DCAKD: variants seen among roughly 807,000 people sequenced by gnomAD.
The protein encoded by DCAKD is dephospho-CoA kinase domain containing.
DCAKD carries 15 observed loss-of-function variants against 18.7 expected under a neutral mutation model. The observed-to-expected ratio is 0.80, with a 90% confidence interval of 0.54 to 1.24. The LOEUF (loss-of-function observed/expected upper bound fraction) is 1.24, where lower values mean the gene tolerates loss of function less well. Among genes scored for constraint, DCAKD ranks in the 50% most tolerant of loss-of-function variants. The pLI is 0.00. For missense variants in DCAKD, 301 were observed against 322.0 expected, an observed-to-expected ratio of 0.93 and a Z score of 0.50; for synonymous variants, 130 against 133.0, an observed-to-expected ratio of 0.98 and a Z score of 0.16.
At position 45,034,377 on chromosome 17, in the gene DCAKD, T is replaced by C. The variant is rs1233532962; in HGVS notation, c.126A>G (p.Gly42=). The part of the protein sequence containing the change: ...DVMARHVVQP[G]YPAHRRIVEV... ...CTACGATGCGCCGGTGGGCAGGGTA[T>C]CCTGGCTGCACGACTGTGGCAGGAG... The change falls in exon 3 of 5, where the codon GGA becomes GGG. Residue 42 remains glycine (G), a synonymous_variant. Coordinates refer to ENST00000651974, the MANE Select transcript of DCAKD (RefSeq NM_001288655.2). The C allele has an allele frequency of 1.9e-6, 3 of 1,613,700 alleles. No individual in the cohort carries two copies. Among genetic ancestry groups the C allele is most frequent in the South Asian group, 1.1e-5 (1 of 91,086 alleles).
At chr17:45,031,480 C>G (rs1330835023) in intron 3 of DCAKD, 2 of 966,576 alleles carry the variant, frequency 2.1e-6, no homozygotes, top group South Asian at 9.6e-5. Flanking sequence ...TGAAATGAGC[C>G]TTGAAAATAT....
chr17:45,058,758 C>G (rs188884814), intron 1 of DCAKD, among the ~76,000 whole-genome samples: 86 of 152,134 alleles, frequency 5.7e-4, no homozygotes, highest in African/African-American at 1.3e-3. Flanking sequence ...CTGACCCCCC[C>G]CTTCCCTGCA....
At chr17:45,029,690 T>C (rs2053135073) in intron 4 of DCAKD, among the ~76,000 whole-genome samples, 1 of 152,096 alleles carries the variant, frequency 6.6e-6, no homozygotes, top group African/African-American at 2.4e-5. Context: ...CCCTCTTTAA[T>C]TTTATCTTCA....
chr17:45,032,344 C>T (rs1280991321), intron 3 of DCAKD, among the ~76,000 whole-genome samples: 3 of 148,372 alleles, frequency 2.0e-5, no homozygotes, highest in African/African-American at 7.5e-5. Context: ...CCAGCCCGGA[C>T]GGGAGGGGGT....
chr17:45,034,111 C>A, intron 3 of DCAKD, 76 bp downstream of exon 3: 1 of 1,606,920 alleles, frequency 6.2e-7, no homozygotes, highest in Non-Finnish European at 8.5e-7. Flanking sequence ...CCTACCCTGG[C>A]CAAACTTTCT....
chr17:45,034,694 T>TA (rs1597954040), intron 2 of DCAKD, 80 bp downstream of exon 2: 11 of 1,451,046 alleles, frequency 7.6e-6, no homozygotes, highest in South Asian at 1.2e-5. Flanking sequence ...CTGAGACTTA[T>TA]AAAAAAAGGA....
In DCAKD at chr17:45,024,523, G is replaced by T; in HGVS notation, c.606C>A (p.Tyr202Ter). 3 of 1,614,150 alleles carry T rather than the reference G, an allele frequency of 1.9e-6. No individual in the cohort carries two copies. Among genetic ancestry groups the T allele is most frequent in the Non-Finnish European group, 1.7e-6 (2 of 1,180,000 alleles). Reference sequence around the variant, plus strand: ...TGAGGACCCCAAACCTCAGCGGCAGGTACTCCAGGGAGCGCTCCAGCTCAG... The same window carrying T: ...TGAGGACCCCAAACCTCAGCGGCAGTTACTCCAGGGAGCGCTCCAGCTCAG... ...LHTELERSLE[Y>*]LPLRFGVLTG... The change falls in exon 5 of 5, where the codon TAC (tyrosine) becomes TAA (stop). Residue 202 changes from tyrosine to a stop codon, truncating the protein, a stop_gained. Transcript: ENST00000651974. LOFTEE classifies it high-confidence loss of function.
chr17:45,053,393 G>A (rs932409235), upstream of DCAKD, among the ~76,000 whole-genome samples: 3 of 150,688 alleles, frequency 2.0e-5, no homozygotes, highest in Non-Finnish European at 4.4e-5. Context: ...GAGTAGCTGG[G>A]ACTAGAGGTG....
intron 1 of DCAKD, among the ~76,000 whole-genome samples, chr17:45,045,886 T>C (rs370788587): frequency 0.09 from 13,692 of 151,788 alleles, 715 homozygotes; most frequent in East Asian, 0.15. Flanking sequence ...AATGCAATGG[T>C]GCGGTTTTGG....
intron 1 of DCAKD, among the ~76,000 whole-genome samples, chr17:45,041,950 C>T (rs889014957): frequency 1.3e-5 from 2 of 150,514 alleles, no homozygotes; most frequent in Non-Finnish European, 3.0e-5. Flanking sequence ...GAGATCCTGT[C>T]TCTTAAAAAA....
chr17:45,025,029 T>G (rs867906430), intron 4 of DCAKD, among the ~76,000 whole-genome samples: 30 of 137,940 alleles, frequency 2.2e-4, no homozygotes, highest in African/African-American at 7.7e-4. Context: ...TTTTTTTTTT[T>G]GCCATCTGGG....
At chr17:45,058,751 A>ACC (rs200171179) in intron 1 of DCAKD, among the ~76,000 whole-genome samples, 1 of 148,986 alleles carries the variant, frequency 6.7e-6, no homozygotes, top group South Asian at 2.1e-4. Context: ...CTTACCTCTG[A>ACC]CCCCCCCCTT....
intron 1 of DCAKD, among the ~76,000 whole-genome samples, chr17:45,044,159 C>T (rs1033770122): frequency 6.6e-6 from 1 of 152,148 alleles, no homozygotes; most frequent in Non-Finnish European, 1.5e-5. Flanking sequence ...CATGGAGAGT[C>T]CTACAGAAGC....
chr17:45,059,407 G>A (rs986558781), intron 1 of DCAKD, among the ~76,000 whole-genome samples: 1 of 152,030 alleles, frequency 6.6e-6, no homozygotes, highest in Non-Finnish European at 1.5e-5. Context: ...TTTGGCCATG[G>A]AGCACTCTGA....
In DCAKD at chr17:45,027,433, C is replaced by T. The variant is rs1366408382; in HGVS notation, c.404+2659G>A. Among the ~76,000 whole-genome samples, 9 of 152,312 alleles carry T rather than the reference C, an allele frequency of 5.9e-5. No homozygotes were observed. In the East Asian group the frequency reaches 1.7e-3, roughly 29 times the overall value. On this transcript the variant is annotated intron_variant, in intron 4 of 4. Coordinates refer to ENST00000651974, the MANE Select transcript of DCAKD (RefSeq NM_001288655.2). ...GGGTAGTCTTTCAGTTAAAGAAATC[C>T]ACAAGGGAGTCCTTATTTTTGTAAA...
rs981102185 is a variant in DCAKD at position 45,024,693 on chromosome 17, G to A, written c.436C>T (p.Arg146Trp). The A allele has an allele frequency of 6.9e-6, 11 of 1,592,484 alleles. No homozygotes were observed. The highest frequency in any genetic ancestry group is 2.7e-5 in the African/African-American group (2 of 74,582). Reference protein sequence around the residue: ...DRDTQLARLMRRNSLNRKDAE... With the variant: ...DRDTQLARLMWRNSLNRKDAE... ...TCCTTGCGGTTCAGGCTGTTCCGCC[G>A]CATCAGCCGTGCCAGCTGTGTGTCC... The change falls in exon 5 of 5, where the codon CGG becomes TGG. Residue 146 changes from arginine (R) to tryptophan (W), a missense_variant. By Grantham distance (101) the Arg-to-Trp change is moderately radical (BLOSUM62 -3). Coordinates refer to ENST00000651974, the MANE Select transcript of DCAKD (RefSeq NM_001288655.2).
rs2053237482 is a variant in DCAKD at position 45,034,248 on chromosome 17, G to T, written c.255C>A (p.Ala85=). Residue 85 remains alanine, a synonymous_variant, in exon 3 of 5, where the codon GCC becomes GCA. Coordinates refer to ENST00000651974, the MANE Select transcript of DCAKD (RefSeq NM_001288655.2). ...NQPDRRQLLN[A]ITHPEIRKEM... is the part of the protein sequence containing the mutation. Reference sequence around the variant, plus strand: ...CCTTGCGAATCTCGGGGTGGGTGATGGCGTTGAGCAGCTGCCGCCGGTCAG... The same window carrying T: ...CCTTGCGAATCTCGGGGTGGGTGATTGCGTTGAGCAGCTGCCGCCGGTCAG... 1.2e-6 allele frequency: 2 copies of T among 1,614,166 alleles called. No homozygotes were observed. The highest frequency in any genetic ancestry group is 1.7e-6 in the Non-Finnish European group (2 of 1,180,024).
chr17:45,026,368 T>C (rs2053056958), intron 4 of DCAKD, among the ~76,000 whole-genome samples: 2 of 151,820 alleles, frequency 1.3e-5, no homozygotes, highest in South Asian at 2.1e-4. Context: ...ACTGGGACTA[T>C]AGGCGCCCGC....
At chr17:45,039,033 G>C (rs2053369250) in intron 1 of DCAKD, among the ~76,000 whole-genome samples, 1 of 152,238 alleles carries the variant, frequency 6.6e-6, no homozygotes, top group South Asian at 2.1e-4. Context: ...TCTGAGAACA[G>C]AGCGCTGACA....
Sources: allele counts gnomAD v4.1 joint callset (sites outside exome capture counted in the v4.1 genomes callset), GRCh38; gene constraint gnomAD v4.1.1; transcripts MANE v1.5; gene names NCBI Gene and HGNC (gene_info 2026-07-23, HGNC 2026-07-21).